The following USP53 variants were observed in gnomAD, a reference collection of about 807,000 sequenced individuals.
USP53 encodes ubiquitin specific peptidase 53.
Under a neutral mutation model 94.9 loss-of-function variants are expected in USP53, and 71 were observed. The observed-to-expected ratio is 0.75, with a 90% CI of 0.62 to 0.91. The LOEUF (loss-of-function observed/expected upper bound fraction) is 0.91, where lower values mean the gene tolerates loss of function less well. Among genes scored for constraint, USP53 ranks in the 40% least tolerant of loss-of-function variants. The pLI, the probability that USP53 is intolerant of heterozygous loss-of-function variation, is 0.00. For synonymous variants in USP53, 375 were observed against 422.7 expected, an observed-to-expected ratio of 0.89 and a Z score of 1.39; for missense variants, 1,173 against 1,281.0, an observed-to-expected ratio of 0.92 and a Z score of 1.29.
rs1180745111 is a variant in USP53 at position 119,256,443 on chromosome 4, T to C, written c.489T>C (p.Cys163=). The C allele has an allele frequency of 6.8e-6, 11 of 1,613,990 alleles. No individual in the cohort carries two copies. Among genetic ancestry groups the C allele is most frequent in the Non-Finnish European group, 7.6e-6 (9 of 1,179,998 alleles). ...QKFAMTLYEQ[C]VCRSCGASSD... is the part of the protein sequence containing the mutation. ...AACATATGTTTTTACCTATATAGTG[T>C]GTGTGTCGTAGCTGTGGAGCATCGT... is the stretch of plus-strand genomic sequence containing the variant. The change falls in exon 9 of 19, where the codon TGT becomes TGC. Residue 163 remains cysteine, a splice_region_variant and synonymous_variant. Transcript: ENST00000692078.
At position 119,259,831 on chromosome 4, in the gene USP53, A is replaced by G; in HGVS notation, c.581A>G (p.Glu194Gly). Residue 194 changes from glutamate (E) to glycine (G), a missense_variant, in exon 10 of 19, where the codon GAA becomes GGA. Glu to Gly is a moderately conservative substitution (Grantham distance 98). Transcript: ENST00000692078. ...TTCTTTTTTTGTAGCAATGAGGTTG[A>G]AAGAATGTTGGAAAGGCATGAACGC... ...ISTTALCNEV[E>G]RMLERHERFK... 1 of 1,609,828 alleles carries G rather than the reference A, an allele frequency of 6.2e-7. No homozygotes were observed. The highest frequency in any genetic ancestry group is 8.5e-7 in the Non-Finnish European group (1 of 1,178,080).
chr4:119,241,623 C>G (rs545278563), intron 5 of USP53, among the ~76,000 whole-genome samples: 90 of 152,080 alleles, frequency 5.9e-4, no homozygotes, highest in Admixed American at 1.6e-3. Context: ...TGTTCTTTTT[C>G]TCTGGGTGCT....
At chr4:119,256,873 A>G (rs1350690131) in intron 9 of USP53, among the ~76,000 whole-genome samples, 3 of 152,308 alleles carry the variant, frequency 2.0e-5, no homozygotes, top group East Asian at 1.9e-4. Context: ...TGTAATGGCC[A>G]TATTTTCAGT....
chr4:119,293,411 A>G lies in USP53; in HGVS notation c.*200A>G, dbSNP rs1176548447. On this transcript the variant is annotated 3_prime_UTR_variant, in exon 19 of 19. Coordinates refer to ENST00000692078, the MANE Select transcript of USP53 (RefSeq NM_001371395.1). ...TAAAATTAAAGCCTGTGGCATTTTT[A>G]AAGTTGTTAATCACTATACATATGT... is the stretch of plus-strand genomic sequence containing the variant. 1.7e-6 allele frequency: 1 copy of G among 571,814 alleles called. No individual in the cohort carries two copies. The highest frequency in any genetic ancestry group is 3.0e-6 in the Non-Finnish European group (1 of 334,480). The allele number at this position is 571,814 out of a possible 1,614,324, so 35.4% of individuals were successfully genotyped here.
chr4:119,286,034 G>A (rs572093091), intron 17 of USP53, among the ~76,000 whole-genome samples: 4 of 151,838 alleles, frequency 2.6e-5, no homozygotes, highest in Admixed American at 2.6e-4. Flanking sequence ...TTAGGTTTCA[G>A]ATAGTATAGA....
intron 17 of USP53, among the ~76,000 whole-genome samples, chr4:119,286,114 CTAGT>C (rs1047448454): frequency 9.9e-5 from 15 of 151,392 alleles, no homozygotes; most frequent in South Asian, 2.1e-4. Context: ...AAATATTTAT[CTAGT>C]TAAAGTTTTC....
chr4:119,235,552 A>G (rs1746622150), intron 4 of USP53, 141 bp downstream of exon 4: 1 of 152,220 alleles, frequency 6.6e-6, no homozygotes, highest in South Asian at 2.1e-4. Context: ...TGCTGGGATT[A>G]CACACGTGGA....
intron 14 of USP53, among the ~76,000 whole-genome samples, chr4:119,269,478 C>A (rs1463814316): frequency 6.6e-6 from 1 of 151,998 alleles, no homozygotes; most frequent in Admixed American, 6.6e-5. Flanking sequence ...GTTTTAGGGG[C>A]TATACAAGGA....
At chr4:119,235,543 G>T (rs1271334711) in intron 4 of USP53, 132 bp downstream of exon 4, 1 of 152,142 alleles carries the variant, frequency 6.6e-6, no homozygotes, top group East Asian at 1.9e-4. Context: ...CTCCAGAAGT[G>T]CTGGGATTAC....
intron 3 of USP53, among the ~76,000 whole-genome samples, chr4:119,227,256 TACACACACACAC>T (rs3138727): frequency 6.5e-4 from 81 of 125,094 alleles, no homozygotes; most frequent in South Asian, 1.6e-3. Context: ...TGTCTAACAC[TACACACACACAC>T]ACACACACAC....
chr4:119,279,163 G>A (rs1475151278), intron 17 of USP53, among the ~76,000 whole-genome samples: 2 of 147,248 alleles, frequency 1.4e-5, no homozygotes, highest in Middle Eastern at 3.5e-3. Context: ...TTCCTTTGAA[G>A]GAGGAGAGGC....
intron 12 of USP53, among the ~76,000 whole-genome samples, chr4:119,264,046 AGAGT>A (rs1383041943): frequency 6.6e-6 from 1 of 152,252 alleles, no homozygotes. Context: ...GCCTGGTGAC[AGAGT>A]GAGACTCCGT....
intron 9 of USP53, among the ~76,000 whole-genome samples, chr4:119,257,025 G>T (rs574916312): frequency 9.2e-5 from 14 of 152,180 alleles, no homozygotes; most frequent in Admixed American, 2.0e-4. Context: ...TGCCTGCTCA[G>T]CTGCCCACTC....
At chr4:119,256,773 A>C (rs936942358) in intron 9 of USP53, among the ~76,000 whole-genome samples, 8 of 152,196 alleles carry the variant, frequency 5.3e-5, no homozygotes, top group Admixed American at 2.0e-4. Flanking sequence ...ATTTATAACA[A>C]ATTTTAGAAC....
Position 119,269,724 on chromosome 4 carries a change from TA to T in USP53, c.1326del (p.Asp443ThrfsTer8). The T allele has an allele frequency of 6.7e-7, 1 of 1,498,188 alleles. No homozygotes were observed. Among genetic ancestry groups the T allele is most frequent in the South Asian group, 1.4e-5 (1 of 70,420 alleles). 92.8% of individuals were successfully genotyped at this position (1,498,188 alleles called of 1,614,324 possible). A position where few individuals can be genotyped will look rare whatever the true frequency, so the allele number is the denominator to read the frequency against. On this transcript the variant is annotated frameshift_variant, in exon 15 of 19. Coordinates refer to ENST00000692078, the MANE Select transcript of USP53 (RefSeq NM_001371395.1). LOFTEE classifies it high-confidence loss of function. ...AGTCACATTGATCAAAGGGAAAAGA[TA>T]AAAGACATTTCCAGAGAATGTGCTC... is the stretch of plus-strand genomic sequence containing the variant. ...KLSHIDQREK[I>X]KDISRECALK...
rs568421538 is a variant in USP53 at position 119,267,897 on chromosome 4, G to T, written c.1136-371G>T. On this transcript the variant is annotated intron_variant, in intron 13 of 18. Coordinates refer to ENST00000692078, the MANE Select transcript of USP53 (RefSeq NM_001371395.1). ...TTAAAAATAATCTGGGCCGGGCGCG[G>T]TGGCTCACGCCTGTAATCCCAATGC... 1.5e-3 allele frequency among the ~76,000 whole-genome samples: 236 copies of T among 152,284 alleles called. 1 individual carries two copies. The highest frequency in any genetic ancestry group is 5.3e-3 in the African/African-American group (219 of 41,564).
chr4:119,272,109 T>A, intron 16 of USP53, 75 bp downstream of exon 16: 2 of 1,480,662 alleles, frequency 1.4e-6, no homozygotes, highest in South Asian at 1.4e-5. Flanking sequence ...ATTTTTGAAG[T>A]TTGGGGTCAA....
chr4:119,240,061 T>C (rs926933749), intron 5 of USP53, among the ~76,000 whole-genome samples, 158 bp downstream of exon 5: 3 of 152,166 alleles, frequency 2.0e-5, no homozygotes, highest in African/African-American at 7.2e-5. Context: ...TGGCTGGTCA[T>C]TTTGGTTTTT....
chr4:119,250,116 C>T (rs1748768000), intron 7 of USP53, among the ~76,000 whole-genome samples: 1 of 152,144 alleles, frequency 6.6e-6, no homozygotes, highest in African/African-American at 2.4e-5. Context: ...AGTGCTTCAT[C>T]CCTAGATTTT....
Sources: allele counts gnomAD v4.1 joint callset (sites outside exome capture counted in the v4.1 genomes callset), GRCh38; gene constraint gnomAD v4.1.1; transcripts MANE v1.5; gene names NCBI Gene and HGNC (gene_info 2026-07-23, HGNC 2026-07-21).